Variants in RHOF observed in about 807,000 individuals in gnomAD.
The protein encoded by RHOF is rho-related GTP-binding protein RhoF.
Under a neutral mutation model 22.2 loss-of-function variants are expected in RHOF, and 21 were observed. The ratio of observed to expected loss-of-function variants is 0.95; its 90% CI spans 0.67 to 1.36. The LOEUF is 1.36. Among genes scored for constraint, RHOF ranks in the 40% most tolerant of loss-of-function variants. RHOF has a pLI of 0.00. For missense variants in RHOF, 285 were observed against 293.7 expected, an observed-to-expected ratio of 0.97 and a Z score of 0.22; for synonymous variants, 135 against 131.2, an observed-to-expected ratio of 1.03 and a Z score of -0.20.
At chr12:121,780,825 A>G (rs1322292935) in intron 4 of RHOF, 47 bp downstream of exon 4, 1 of 1,585,704 alleles carries the variant, frequency 6.3e-7, no homozygotes, top group East Asian at 2.2e-5. Context: ...AAGGTCCGGG[A>G]GGCTTCACAG....
chr12:121,781,986 T>G (rs1319257432), intron 2 of RHOF: 1 of 152,214 alleles, frequency 6.6e-6, no homozygotes, highest in Non-Finnish European at 1.5e-5. Context: ...TGCTTTTTTC[T>G]TCTTCTTCTT....
intron 2 of RHOF, chr12:121,782,333 T>C (rs1874491274): frequency 6.6e-6 from 1 of 152,342 alleles, no homozygotes; most frequent in African/African-American, 2.4e-5. Context: ...CCTTTATTTT[T>C]TTCCCCGTTG....
rs767872278 is a variant in RHOF at position 121,780,894 on chromosome 12, A to G, written c.449T>C (p.Leu150Pro). 1 of 1,613,686 alleles carries G rather than the reference A, an allele frequency of 6.2e-7. No homozygotes were observed. The highest frequency in any genetic ancestry group is 1.1e-5 in the South Asian group (1 of 90,996). ...EQLRKLRAAQ[L>P]EPITYMQGLS... ...CACCTGCATGTAGGTGATGGGCTCC[A>G]GCTGGGCGGCCCGGAGCTTCCGCAG... The change falls in exon 4 of 5, where the codon CTG (leucine) becomes CCG (proline). Residue 150 changes from leucine (L) to proline (P), a missense_variant. Leu to Pro is a moderately conservative substitution (Grantham distance 98). Transcript: ENST00000267205.
chr12:121,789,956 C>T (rs900339200), intron 2 of RHOF, among the ~76,000 whole-genome samples: 1 of 152,244 alleles, frequency 6.6e-6, no homozygotes, highest in Non-Finnish European at 1.5e-5. Context: ...CCACCTCACC[C>T]CGCCTCCCCC....
At chr12:121,784,855 C>A (rs12832268) in intron 2 of RHOF, among the ~76,000 whole-genome samples, 28,441 of 152,074 alleles carry the variant, frequency 0.19, 2,945 homozygotes, top group African/African-American at 0.27. Flanking sequence ...CAAATATGGC[C>A]GGAGTGAACA....
intron 4 of RHOF, chr12:121,780,640 C>G (rs887773580): frequency 3.4e-6 from 2 of 583,724 alleles, no homozygotes; most frequent in Non-Finnish European, 6.0e-6. Flanking sequence ...AGTTTCTCCC[C>G]CTGTAAACTG....
At chr12:121,781,503 A>G in intron 2 of RHOF, 1 of 325,760 alleles carries the variant, frequency 3.1e-6, no homozygotes, top group South Asian at 3.0e-5. Flanking sequence ...GCAGCCCCCC[A>G]GTCCTGGATG....
At chr12:121,780,722 G>T in intron 4 of RHOF, 150 bp downstream of exon 4, 1 of 886,478 alleles carries the variant, frequency 1.1e-6, no homozygotes, top group Non-Finnish European at 1.7e-6. Context: ...CAGGTCCACA[G>T]GCCATCAATA....
At chr12:121,781,564 T>A (rs888244043) in intron 2 of RHOF, 3 of 234,506 alleles carry the variant, frequency 1.3e-5, no homozygotes, top group Admixed American at 5.2e-5. Flanking sequence ...GAGCTTGGCC[T>A]GATTCTAGGG....
rs201404204 is a variant in RHOF, at chr12:121,780,820, C to T, written c.471+52G>A. 14 of 1,582,156 alleles carry T rather than the reference C, an allele frequency of 8.8e-6. No homozygotes were observed. In the South Asian group the frequency reaches 1.4e-4, roughly 16 times the overall value. On this transcript the variant is annotated intron_variant, in intron 4 of 4. Transcript: ENST00000267205. ...CACCCCAGTTGCAGAGGCCAAAGGTCCGGGAGGCTTCACAGCCACGGCTGT... is the reference window on the plus strand; with the variant it reads ...CACCCCAGTTGCAGAGGCCAAAGGTTCGGGAGGCTTCACAGCCACGGCTGT...
Position 121,779,124 on chromosome 12 carries a change from G to A in RHOF, c.*374C>T, listed in dbSNP as rs1874345906. ...GGGACACAGGAGTGGCAGGCTTGGG[G>A]CGCCCGCGTGGAACAGTGCCAGGTC... On this transcript the variant is annotated 3_prime_UTR_variant, in exon 5 of 5. Transcript: ENST00000267205. 1 of 205,858 alleles carries A rather than the reference G, an allele frequency of 4.9e-6. No individual in the cohort carries two copies. Among genetic ancestry groups the A allele is most frequent in the African/African-American group, 2.3e-5 (1 of 43,934 alleles). 12.8% of individuals were successfully genotyped at this position (205,858 alleles called of 1,614,324 possible). A position where few individuals can be genotyped will look rare whatever the true frequency, so the allele number is the denominator to read the frequency against.
intron 2 of RHOF, among the ~76,000 whole-genome samples, chr12:121,787,640 G>C (rs1874641619): frequency 6.9e-6 from 1 of 144,638 alleles, no homozygotes; most frequent in Non-Finnish European, 1.5e-5. Context: ...TGTGGCGCAT[G>C]CTTGTAATCC....
chr12:121,788,892 G>A (rs1874686468), intron 2 of RHOF, among the ~76,000 whole-genome samples: 1 of 152,132 alleles, frequency 6.6e-6, no homozygotes, highest in African/African-American at 2.4e-5. Context: ...GGCATGGTGG[G>A]TGGTCAGAAC....
chr12:121,779,444 G>C lies in RHOF; in HGVS notation c.*54C>G. On this transcript the variant is annotated 3_prime_UTR_variant, in exon 5 of 5. Coordinates refer to ENST00000267205, the MANE Select transcript of RHOF (RefSeq NM_019034.3). ...TGGGGCAGCCTCCCTGGTGCAATCG[G>C]CACCTGGGCCCCCGGGCCCTGTCAG... 2 of 1,586,628 alleles carry C rather than the reference G, an allele frequency of 1.3e-6. No homozygotes were observed. The highest frequency in any genetic ancestry group is 1.7e-6 in the Non-Finnish European group (2 of 1,167,868).
chr12:121,791,104 C>T (rs1488744449), intron 2 of RHOF, among the ~76,000 whole-genome samples: 2 of 151,474 alleles, frequency 1.3e-5, no homozygotes, highest in South Asian at 2.1e-4. Context: ...GAACTCCTGG[C>T]TTCAAGCAAT....
chr12:121,784,440 G>T, intron 2 of RHOF, among the ~76,000 whole-genome samples: 1 of 150,660 alleles, frequency 6.6e-6, no homozygotes, highest in South Asian at 2.1e-4. Context: ...AGCTACTCCA[G>T]AGGCTGAGGC....
chr12:121,788,637 C>A (rs980475697), intron 2 of RHOF, among the ~76,000 whole-genome samples: 4 of 152,182 alleles, frequency 2.6e-5, no homozygotes, highest in Non-Finnish European at 4.4e-5. Flanking sequence ...CTGTTCAGGG[C>A]AGCCTCCACA....
intron 2 of RHOF, among the ~76,000 whole-genome samples, chr12:121,785,493 C>T (rs1406259646): frequency 1.4e-5 from 2 of 147,142 alleles, no homozygotes; most frequent in African/African-American, 5.0e-5. Flanking sequence ...GTGGCACGAT[C>T]TCAGCTCACT....
At chr12:121,787,132 C>T (rs1462074922) in intron 2 of RHOF, among the ~76,000 whole-genome samples, 1 of 152,166 alleles carries the variant, frequency 6.6e-6, no homozygotes, top group East Asian at 1.9e-4. Context: ...CTGTGCTGTT[C>T]ACTGTTGGGT....
Sources: gnomAD v4.1 joint callset for allele counts (sites outside exome capture counted in the v4.1 genomes callset) on GRCh38, gnomAD v4.1.1 for gene constraint, MANE v1.5 for transcripts, NCBI Gene and HGNC (gene_info 2026-07-23, HGNC 2026-07-21) for gene names.